LGALS3BP: variants seen among roughly 807,000 people sequenced by gnomAD.
The protein encoded by LGALS3BP is galectin-3-binding protein.
Under a neutral mutation model 22.9 loss-of-function variants are expected in LGALS3BP, and 25 were observed. The observed-to-expected ratio is 1.09, with a 90% CI of 0.80 to 1.53. The LOEUF (loss-of-function observed/expected upper bound fraction) is 1.53. LGALS3BP is among the 40% of genes most tolerant of loss of function. LGALS3BP has a pLI of 0.00. For synonymous variants in LGALS3BP, 335 were observed against 331.1 expected (o/e 1.01, Z -0.13); for missense variants, 718 against 752.0 (o/e 0.95, Z 0.53).
chr17:78,972,794 C>T lies in LGALS3BP; in HGVS notation c.630-90G>A, dbSNP rs2070685851. 2.7e-6 allele frequency: 4 copies of T among 1,473,778 alleles called. No individual in the cohort carries two copies. Among genetic ancestry groups the T allele is most frequent in the Non-Finnish European group, 3.6e-6 (4 of 1,103,318 alleles). The allele number at this position is 1,473,778 out of a possible 1,614,324, so 91.3% of individuals were successfully genotyped here. A position where few individuals can be genotyped will look rare whatever the true frequency, so the allele number is the denominator to read the frequency against. On this transcript the variant is annotated intron_variant, in intron 5 of 5. Transcript: ENST00000262776. This position sits in a 1 kb window ranked among gnomAD's most constrained non-coding sequence, Gnocchi z 5.1. ...TGTCCAACACAGCCACCTGAGTGCA[C>T]ACAGTGTGGGAGTGAGCATGCGTGT...
At chr17:78,975,345 T>TTCC (rs1185259613) in intron 3 of LGALS3BP, among the ~76,000 whole-genome samples, 3 of 152,146 alleles carry the variant, frequency 2.0e-5, no homozygotes, top group Non-Finnish European at 4.4e-5. Context: ...TGAGGAGAAA[T>TTCC]TGTTTCAATG....
rs1469076805 is a variant in LGALS3BP at position 78,972,468 on chromosome 17, G to T, written c.866C>A (p.Ala289Asp). ...GGGCCAGGCCTCGGCCTGCGTCAAG[G>T]CCTCGAAGTTCCAGGCCAGGAACTG... ...CLQFLAWNFE[A>D]LTQAEAWPSV... The change falls in exon 6 of 6, where the codon GCC becomes GAC. Residue 289 changes from alanine to aspartate, a missense_variant. Transcript: ENST00000262776. The surrounding 1 kb of genome is among the most constrained non-coding windows in gnomAD (Gnocchi z 5.1). 1.9e-6 allele frequency: 3 copies of T among 1,613,296 alleles called. No individual in the cohort carries two copies. The highest frequency in any genetic ancestry group is 2.5e-6 in the Non-Finnish European group (3 of 1,180,008).
Position 78,976,001 on chromosome 17 carries a change from C to A in LGALS3BP, c.208G>T (p.Ala70Ser), listed in dbSNP as rs1222071795. 1 of 1,611,880 alleles carries A rather than the reference C, an allele frequency of 6.2e-7. No individual in the cohort carries two copies. The highest frequency in any genetic ancestry group is 1.3e-5 in the African/African-American group (1 of 75,002). ...GCAGCTCTGCCCAGAGCCTGGGTGG[C>A]GTTCTCGAAGCCCAGGGCCCGGCAG... is the stretch of plus-strand genomic sequence containing the variant. ...VVCRALGFEN[A>S]TQALGRAAFG... Residue 70 changes from alanine (A) to serine (S), a missense_variant, in exon 3 of 6, where the codon GCC (alanine) becomes TCC (serine). Transcript: ENST00000262776. The surrounding 1 kb of genome is among the most constrained non-coding windows in gnomAD (Gnocchi z 4.6).
rs1488223764 is a variant in LGALS3BP at position 78,972,223 on chromosome 17, C to T, written c.1111G>A (p.Ala371Thr). 11 of 1,613,766 alleles carry T rather than the reference C, an allele frequency of 6.8e-6. No individual in the cohort carries two copies. In the East Asian group the frequency reaches 2.5e-4, roughly 36 times the overall value. The part of the protein sequence containing the change: ...FNLSLYWSHE[A>T]LFQKKTLQAL... ...TGCAGAGTCTTCTTCTGGAACAGGG[C>T]CTCGTGGCTCCAGTACAGGGACAGG... The change falls in exon 6 of 6, where the codon GCC becomes ACC. Residue 371 changes from alanine (A) to threonine (T), a missense_variant. Physicochemically the swap from Ala to Thr is moderately conservative, Grantham distance 58. Coordinates refer to ENST00000262776, the MANE Select transcript of LGALS3BP (RefSeq NM_005567.4). The surrounding 1 kb of genome is among the most constrained non-coding windows in gnomAD (Gnocchi z 5.1).
At position 78,976,019 on chromosome 17, in the gene LGALS3BP, C is replaced by T. The variant is rs1364932094; in HGVS notation, c.190G>A (p.Ala64Thr). ...TGGGTGGCGTTCTCGAAGCCCAGGG[C>T]CCGGCAGACGACGCTGGCATCAGTC... ...DLTDASVVCR[A>T]LGFENATQAL... Residue 64 changes from alanine (A) to threonine (T), a missense_variant, in exon 3 of 6, where the codon GCC (alanine) becomes ACC (threonine). Physicochemically the swap from Ala to Thr is moderately conservative, Grantham distance 58. Coordinates refer to ENST00000262776, the MANE Select transcript of LGALS3BP (RefSeq NM_005567.4). This position sits in a 1 kb window ranked among gnomAD's most constrained non-coding sequence, Gnocchi z 4.6. The T allele has an allele frequency of 1.2e-6, 2 of 1,612,580 alleles. No homozygotes were observed. The highest frequency in any genetic ancestry group is 1.7e-6 in the Non-Finnish European group (2 of 1,179,788).
intron 1 of LGALS3BP, 52 bp from the exon 2 acceptor site, chr17:78,977,266 G>T: frequency 1.3e-6 from 2 of 1,492,536 alleles, no homozygotes; most frequent in East Asian, 2.3e-5. Flanking sequence ...ATGGCCCGAG[G>T]CCCCAGGGAC....
Position 78,973,055 on chromosome 17 carries a change from C to T in LGALS3BP, c.544G>A (p.Ala182Thr). The part of the protein sequence containing the change: ...HTVILTANLE[A>T]QALWKEPGSN... ...CCCGGCTCCTTCCACAGGGCCTGGG[C>T]CTCCAGGTTGGCAGTCAGGATGACC... is the stretch of plus-strand genomic sequence containing the variant. Residue 182 changes from alanine (A) to threonine (T), a missense_variant, in exon 5 of 6, where the codon GCC (alanine) becomes ACC (threonine). Coordinates refer to ENST00000262776, the MANE Select transcript of LGALS3BP (RefSeq NM_005567.4). This position sits in a 1 kb window ranked among gnomAD's most constrained non-coding sequence, Gnocchi z 5.8. 6.2e-7 allele frequency: 1 copy of T among 1,613,900 alleles called. No individual in the cohort carries two copies. Among genetic ancestry groups the T allele is most frequent in the Non-Finnish European group, 8.5e-7 (1 of 1,179,984 alleles).
In LGALS3BP at chr17:78,973,310, G is replaced by T. The variant is rs2070692064; in HGVS notation, c.377-88C>A. On this transcript the variant is annotated intron_variant, in intron 4 of 5. Transcript: ENST00000262776. The surrounding 1 kb of genome is among the most constrained non-coding windows in gnomAD (Gnocchi z 5.8). The stretch of plus-strand genomic sequence containing the variant: ...TCAGTGTCTTCATCTGAAAGTGAGG[G>T]ATTTGTGGCTGCCTCATTCACTCTG... 1 of 1,373,784 alleles carries T rather than the reference G, an allele frequency of 7.3e-7. No individual in the cohort carries two copies. The highest frequency in any genetic ancestry group is 9.6e-7 in the Non-Finnish European group (1 of 1,042,186). 85.1% of individuals were successfully genotyped at this position (1,373,784 alleles called of 1,614,324 possible). A position where few individuals can be genotyped will look rare whatever the true frequency, so the allele number is the denominator to read the frequency against.
intron 3 of LGALS3BP, 70 bp downstream of exon 3, chr17:78,975,895 G>T: frequency 8.7e-7 from 1 of 1,145,266 alleles, no homozygotes; most frequent in Non-Finnish European, 1.2e-6. Flanking sequence ...CGTCTTAGGG[G>T]ATTTGCCCCT....
At position 78,972,872 on chromosome 17, in the gene LGALS3BP, G is replaced by A. The variant is rs2070686382; in HGVS notation, c.629+98C>T. On this transcript the variant is annotated intron_variant, in intron 5 of 5. Transcript: ENST00000262776. The surrounding 1 kb of genome is among the most constrained non-coding windows in gnomAD (Gnocchi z 5.1). ...ACTGCGTGTGTACATGTGCATGCAT[G>A]AGTATGTGCAGGTGTGTGTGTGGGG... 8 of 1,478,122 alleles carry A rather than the reference G, an allele frequency of 5.4e-6. No homozygotes were observed. Among genetic ancestry groups the A allele is most frequent in the Non-Finnish European group, 1.8e-6 (2 of 1,096,944 alleles). The allele number at this position is 1,478,122 out of a possible 1,614,324, so 91.6% of individuals were successfully genotyped here. A position where few individuals can be genotyped will look rare whatever the true frequency, so the allele number is the denominator to read the frequency against.
At chr17:78,975,719 G>A (rs2070713572) in intron 3 of LGALS3BP, among the ~76,000 whole-genome samples, 1 of 144,230 alleles carries the variant, frequency 6.9e-6, no homozygotes, top group Non-Finnish European at 1.5e-5. Flanking sequence ...TTGAACTCAG[G>A]AGGCGGAGGT....
At position 78,973,555 on chromosome 17, in the gene LGALS3BP, C is replaced by T. The variant is rs1214915501; in HGVS notation, c.377-333G>A. Reference sequence around the variant, plus strand: ...GTACTGACTCCGGAGCCCCCACTCCCCAGCCTTGGTCACCAATCACCACTA... The same window carrying T: ...GTACTGACTCCGGAGCCCCCACTCCTCAGCCTTGGTCACCAATCACCACTA... On this transcript the variant is annotated intron_variant, in intron 4 of 5. Coordinates refer to ENST00000262776, the MANE Select transcript of LGALS3BP (RefSeq NM_005567.4). The surrounding 1 kb of genome is among the most constrained non-coding windows in gnomAD (Gnocchi z 5.8). Among the ~76,000 whole-genome samples the T allele has an allele frequency of 1.3e-5, 2 of 152,188 alleles. No individual in the cohort carries two copies. The highest frequency in any genetic ancestry group is 2.9e-5 in the Non-Finnish European group (2 of 68,024).
rs149562019 is a variant in LGALS3BP at position 78,976,031 on chromosome 17, C to T, written c.178G>A (p.Val60Ile). The change falls in exon 3 of 6, where the codon GTC becomes ATC. Residue 60 changes from valine to isoleucine, a missense_variant. Coordinates refer to ENST00000262776, the MANE Select transcript of LGALS3BP (RefSeq NM_005567.4). The surrounding 1 kb of genome is among the most constrained non-coding windows in gnomAD (Gnocchi z 4.6). ...DNLWDLTDAS[V>I]VCRALGFENA... ...TCGAAGCCCAGGGCCCGGCAGACGA[C>T]GCTGGCATCAGTCAGGTCCCACAGG... 1.4e-4 allele frequency: 223 copies of T among 1,612,810 alleles called. No homozygotes were observed. The African/African-American group carries it at 1.7e-3, about 12-fold the overall frequency.
rs747575076 is a variant in LGALS3BP at position 78,972,545 on chromosome 17, C to T, written c.789G>A (p.Leu263=). The T allele has an allele frequency of 5.0e-6, 8 of 1,609,766 alleles. No individual in the cohort carries two copies. The highest frequency in any genetic ancestry group is 5.9e-6 in the Non-Finnish European group (7 of 1,177,188). ...CCCCTGTGGCCACTGCATAGGCATACAGGTCCAGGGGCATCTGGAACGAGG... is the reference window on the plus strand; with the variant it reads ...CCCCTGTGGCCACTGCATAGGCATATAGGTCCAGGGGCATCTGGAACGAGG... ...QDPSFQMPLD[L]YAYAVATGDA... The change falls in exon 6 of 6, where the codon CTG becomes CTA. Residue 263 remains leucine (L), a synonymous_variant. Coordinates refer to ENST00000262776, the MANE Select transcript of LGALS3BP (RefSeq NM_005567.4). This position sits in a 1 kb window ranked among gnomAD's most constrained non-coding sequence, Gnocchi z 5.1.
chr17:78,975,989 GA>G lies in LGALS3BP; in HGVS notation c.219del (p.Leu74TrpfsTer36). The G allele has an allele frequency of 6.2e-7, 1 of 1,611,212 alleles. No homozygotes were observed. Among genetic ancestry groups the G allele is most frequent in the South Asian group, 1.1e-5 (1 of 90,652 alleles). ...RALGFENATQALGRAAFGQGS... is the reference protein window; with the variant it reads ...RALGFENATQXLGRAAFGQGS... ...CCTTGCCCGAAGGCAGCTCTGCCCAGAGCCTGGGTGGCGTTCTCGAAGCCCA... is the reference window on the plus strand; with the variant it reads ...CCTTGCCCGAAGGCAGCTCTGCCCAGGCCTGGGTGGCGTTCTCGAAGCCCA... On this transcript the variant is annotated frameshift_variant, in exon 3 of 6. Coordinates refer to ENST00000262776, the MANE Select transcript of LGALS3BP (RefSeq NM_005567.4). LOFTEE classifies it high-confidence loss of function.
chr17:78,972,999 C>T lies in LGALS3BP; in HGVS notation c.600G>A (p.Glu200=), dbSNP rs746100509. The T allele has an allele frequency of 8.1e-6, 13 of 1,612,224 alleles. No homozygotes were observed. Among genetic ancestry groups the T allele is most frequent in the Non-Finnish European group, 4.2e-6 (5 of 1,178,664 alleles). ...GAAGGTCCCTGACCATGGGCACACA[C>T]TCAGCATCCACACTCATGGTGACAT... is the stretch of plus-strand genomic sequence containing the variant. ...GSNVTMSVDA[E]CVPMVRDLLR... The change falls in exon 5 of 6, where the codon GAG becomes GAA. Residue 200 remains glutamate, a synonymous_variant. Transcript: ENST00000262776. This position sits in a 1 kb window ranked among gnomAD's most constrained non-coding sequence, Gnocchi z 5.1.
chr17:78,973,262 C>CG lies in LGALS3BP; in HGVS notation c.377-41dup. ...GAGGGAAGTGGGCTGCGTTAGGAGC[C>CG]GGGGCACTGCCACTCTCTGGGGTCA... On this transcript the variant is annotated intron_variant, in intron 4 of 5. Coordinates refer to ENST00000262776, the MANE Select transcript of LGALS3BP (RefSeq NM_005567.4). The surrounding 1 kb of genome is among the most constrained non-coding windows in gnomAD (Gnocchi z 5.8). 1.4e-6 allele frequency: 2 copies of CG among 1,460,996 alleles called. No homozygotes were observed. Among genetic ancestry groups the CG allele is most frequent in the Non-Finnish European group, 1.8e-6 (2 of 1,107,778 alleles). 90.5% of individuals were successfully genotyped at this position (1,460,996 alleles called of 1,614,324 possible).
rs890677311 is a variant in LGALS3BP, at chr17:78,976,363, C to T, written c.53-207G>A. On this transcript the variant is annotated intron_variant, in intron 2 of 5. Transcript: ENST00000262776. This position sits in a 1 kb window ranked among gnomAD's most constrained non-coding sequence, Gnocchi z 4.6. ...CCCTACCCCGCAAGGAGGCCAAACT[C>T]GCCTTTCCTTGTTTTAGGGGTCTCA... Among the ~76,000 whole-genome samples the T allele has an allele frequency of 8.5e-5, 13 of 152,332 alleles. No homozygotes were observed. The highest frequency in any genetic ancestry group is 1.9e-4 in the Non-Finnish European group (13 of 68,018).
At chr17:78,974,526 G>A in intron 4 of LGALS3BP, 162 bp downstream of exon 4, 1 of 731,332 alleles carries the variant, frequency 1.4e-6, no homozygotes. Flanking sequence ...GGAGCTGGTG[G>A]GCTCTTGGGA....
Sources: gnomAD v4.1 joint callset for allele counts (sites outside exome capture counted in the v4.1 genomes callset) on GRCh38, gnomAD v4.1.1 for gene constraint, Gnocchi (gnomAD v3.1) non-coding constraint, MANE v1.5 for transcripts, NCBI Gene and HGNC (gene_info 2026-07-23, HGNC 2026-07-21) for gene names.